The following PPL variants were observed in gnomAD, a reference collection of about 807,000 sequenced individuals.
PPL encodes the protein periplakin, also known as 190 kDa paraneoplastic pemphigus antigen.
PPL carries 198 observed loss-of-function variants against 194.4 expected under a neutral mutation model. That is an observed-to-expected ratio of 1.02 (90% confidence interval 0.91 to 1.15). The LOEUF is 1.15. PPL is among the 50% of genes most tolerant of loss of function. The probability of loss-of-function intolerance (pLI) is 0.00; values close to 1 mark genes in which losing one functional copy is unlikely to be tolerated. For synonymous variants in PPL, 1,220 were observed against 972.4 expected (o/e 1.25, Z -4.74); for missense variants, 2,885 against 2,294.8 (o/e 1.26, Z -5.25).
At chr16:4,889,215 C>A (rs2088269409) in intron 18 of PPL, among the ~76,000 whole-genome samples, 154 bp from the exon 19 acceptor site, 1 of 103,004 alleles carries the variant, frequency 9.7e-6, no homozygotes, top group Admixed American at 1.2e-4. Context: ...TTATTCATTG[C>A]AAAAGGCAGT....
intron 1 of PPL, among the ~76,000 whole-genome samples, chr16:4,911,156 C>CT (rs34229581): frequency 0.32 from 27,519 of 85,870 alleles, 4,041 homozygotes; most frequent in South Asian, 0.45. Context: ...GGTCAGCCTC[C>CT]TTTTTTTTTT....
intron 18 of PPL, among the ~76,000 whole-genome samples, 168 bp from the exon 19 acceptor site, chr16:4,889,229 T>TTTTTTG (rs1555519100): frequency 5.3e-5 from 5 of 93,520 alleles, no homozygotes; most frequent in Admixed American, 4.1e-4. Flanking sequence ...AGGCAGTTTT[T>TTTTTTG]TTGTTGTTGT....
At chr16:4,923,513 G>T (rs780155330) in intron 1 of PPL, among the ~76,000 whole-genome samples, 1 of 152,196 alleles carries the variant, frequency 6.6e-6, no homozygotes, top group South Asian at 2.1e-4. Flanking sequence ...GGGCTCCCTG[G>T]GTGGGGGTGG....
chr16:4,902,640 T>C lies in PPL; in HGVS notation c.318-114A>G. On this transcript the variant is annotated intron_variant, in intron 3 of 21. Coordinates refer to ENST00000345988, the MANE Select transcript of PPL (RefSeq NM_002705.5). The surrounding 1 kb of genome is among the most constrained non-coding windows in gnomAD (Gnocchi z 4.0). The stretch of plus-strand genomic sequence containing the variant: ...GTCCTGGAAGGACACAGTGACCATA[T>C]GGCCTTGGGTTCCAGACAATCACAG... 1 of 1,233,658 alleles carries C rather than the reference T, an allele frequency of 8.1e-7. No homozygotes were observed. The allele number at this position is 1,233,658 out of a possible 1,614,324, so 76.4% of individuals were successfully genotyped here.
intron 1 of PPL, among the ~76,000 whole-genome samples, chr16:4,919,765 C>CA (rs2088998744): frequency 6.6e-6 from 1 of 151,902 alleles, no homozygotes; most frequent in Non-Finnish European, 1.5e-5. Context: ...CTTGTCTCTA[C>CA]AAAAAATACA....
At chr16:4,890,418 A>C in intron 17 of PPL, 84 bp from the exon 18 acceptor site, 2 of 1,427,572 alleles carry the variant, frequency 1.4e-6, no homozygotes, top group South Asian at 2.9e-5. Flanking sequence ...AGTGGGAAAC[A>C]ACCAAATGTA....
rs1489518496 is a variant in PPL, at chr16:4,900,884, C to A, written c.565-13G>T. On this transcript the variant is annotated splice_polypyrimidine_tract_variant and intron_variant, in intron 5 of 21. Transcript: ENST00000345988. ...CGCTGTTCTGCTCCTGAGGACAGAG[C>A]CGAGGGCATGGGTCAGGGCCAGGAA... The A allele has an allele frequency of 6.2e-7, 1 of 1,614,134 alleles. No individual in the cohort carries two copies. Among genetic ancestry groups the A allele is most frequent in the South Asian group, 1.1e-5 (1 of 91,084 alleles).
intron 1 of PPL, among the ~76,000 whole-genome samples, chr16:4,914,987 C>G (rs755286908): frequency 2.0e-5 from 3 of 152,172 alleles, no homozygotes; most frequent in Non-Finnish European, 4.4e-5. Flanking sequence ...AGTCTCACCC[C>G]AAATATTTAA....
At position 4,895,657 on chromosome 16, in the gene PPL, G is replaced by C; in HGVS notation, c.1032C>G (p.Asn344Lys). ...CCTTGAAGTCAGGGCCATACTTCTGGTTCAGGTCCGAGTCCACCTTGCGCA... is the reference window on the plus strand; with the variant it reads ...CCTTGAAGTCAGGGCCATACTTCTGCTTCAGGTCCGAGTCCACCTTGCGCA... ...ELLRKVDSDL[N>K]QKYGPDFKDR... is the part of the protein sequence containing the mutation. The change falls in exon 10 of 22, where the codon AAC (asparagine) becomes AAG (lysine). Residue 344 changes from asparagine to lysine, a missense_variant. Asn to Lys is a moderately conservative substitution (Grantham distance 94, BLOSUM62 0). Transcript: ENST00000345988. 1.2e-6 allele frequency: 2 copies of C among 1,614,028 alleles called. No homozygotes were observed. The highest frequency in any genetic ancestry group is 8.5e-7 in the Non-Finnish European group (1 of 1,180,008).
chr16:4,913,787 CCT>C (rs763034811), intron 1 of PPL, among the ~76,000 whole-genome samples: 22 of 152,218 alleles, frequency 1.4e-4, no homozygotes, highest in Non-Finnish European at 2.5e-4. Context: ...TGATAGCTCC[CCT>C]GTCTCCACTG....
rs1001882488 is a variant in PPL, at chr16:4,898,902, C to T, written c.876+111G>A. The T allele has an allele frequency of 2.2e-5, 17 of 780,478 alleles. No individual in the cohort carries two copies. The African/African-American group carries it at 2.6e-4, about 12-fold the overall frequency. The allele number at this position is 780,478 out of a possible 1,614,324, so 48.3% of individuals were successfully genotyped here. A position where few individuals can be genotyped will look rare whatever the true frequency, so the allele number is the denominator to read the frequency against. ...GAAAGAGACAGACAGACACAAGATG[C>T]AGCTTGCAGGACCCCCAGCTCCGGG... is the stretch of plus-strand genomic sequence containing the variant. On this transcript the variant is annotated intron_variant, in intron 8 of 21. Coordinates refer to ENST00000345988, the MANE Select transcript of PPL (RefSeq NM_002705.5).
intron 1 of PPL, among the ~76,000 whole-genome samples, chr16:4,928,844 C>G (rs1458443211): frequency 6.6e-6 from 1 of 151,880 alleles, no homozygotes; most frequent in Admixed American, 6.6e-5. Flanking sequence ...AACCCCGTCT[C>G]TACTAAAAAT....
chr16:4,923,646 C>T (rs888651923), intron 1 of PPL, among the ~76,000 whole-genome samples: 3 of 152,332 alleles, frequency 2.0e-5, no homozygotes, highest in Non-Finnish European at 2.9e-5. Flanking sequence ...GGGCAGGGAA[C>T]GTAGCCTGTG....
At chr16:4,935,463 G>A (rs1376175439) in intron 1 of PPL, among the ~76,000 whole-genome samples, 2 of 152,206 alleles carry the variant, frequency 1.3e-5, no homozygotes, top group East Asian at 3.8e-4. Context: ...CAATGCCCCA[G>A]GGAACAGTGC....
chr16:4,912,730 C>T (rs555455178), intron 1 of PPL, among the ~76,000 whole-genome samples: 1 of 152,190 alleles, frequency 6.6e-6, no homozygotes, highest in African/African-American at 2.4e-5. Flanking sequence ...CACTGGGCTG[C>T]CCGCTGTTAC....
chr16:4,891,987 G>C (rs1361736160), intron 15 of PPL, 38 bp from the exon 16 acceptor site: 1 of 1,610,834 alleles, frequency 6.2e-7, no homozygotes, highest in South Asian at 1.1e-5. Context: ...ATGCCCACCT[G>C]GCCCCCTGAC....
At chr16:4,928,511 G>A (rs537752077) in intron 1 of PPL, among the ~76,000 whole-genome samples, 49 of 152,360 alleles carry the variant, frequency 3.2e-4, no homozygotes, top group African/African-American at 1.0e-3. Context: ...CTGCAAGGCC[G>A]CAGGGCTGTG....
chr16:4,903,439 CAT>C lies in PPL; in HGVS notation c.317+445_317+446del, dbSNP rs1182611900. ...ATGTGAGGCTGGGCGCGGTGGCTCA[CAT>C]GTGTAATCCCAGCACTTTGTGTAAT... is the stretch of plus-strand genomic sequence containing the variant. On this transcript the variant is annotated intron_variant, in intron 3 of 21. Transcript: ENST00000345988. Among the ~76,000 whole-genome samples the C allele has an allele frequency of 1.2e-4, 19 of 152,186 alleles. 1 individual carries two copies. The highest frequency in any genetic ancestry group is 4.1e-4 in the African/African-American group (17 of 41,532).
chr16:4,922,486 A>C (rs1270675070), intron 1 of PPL, among the ~76,000 whole-genome samples: 2 of 152,162 alleles, frequency 1.3e-5, no homozygotes, highest in Non-Finnish European at 2.9e-5. Context: ...ACATAGTGAA[A>C]CCCTGTCTCT....
Sources: gnomAD v4.1 joint callset for allele counts (sites outside exome capture counted in the v4.1 genomes callset) on GRCh38, gnomAD v4.1.1 for gene constraint, Gnocchi (gnomAD v3.1) non-coding constraint, MANE v1.5 for transcripts, NCBI Gene and HGNC (gene_info 2026-07-23, HGNC 2026-07-21) for gene names.